Variants in GPC5 observed in about 807,000 individuals in gnomAD.
GPC5 encodes glypican 5.
A neutral mutation model predicts 53.9 loss-of-function variants in GPC5; 47 were observed. That is an observed-to-expected ratio of 0.87 (90% confidence interval 0.69 to 1.11). The LOEUF (loss-of-function observed/expected upper bound fraction) is 1.11, where lower values mean the gene tolerates loss of function less well. Among genes scored for constraint, GPC5 ranks in the 50% most tolerant of loss-of-function variants. GPC5 has a pLI of 0.00. For missense variants in GPC5, 748 were observed against 713.1 expected (o/e 1.05, Z -0.56); for synonymous variants, 286 against 263.3 (o/e 1.09, Z -0.84).
intron 7 of GPC5, among the ~76,000 whole-genome samples, chr13:92,542,119 T>C (rs1393563112): frequency 6.6e-6 from 1 of 152,028 alleles, no homozygotes; most frequent in Non-Finnish European, 1.5e-5. Context: ...TTATACCATG[T>C]GTAATGATCA....
chr13:91,478,823 ACACACACACACATATATATACACAT>A lies in GPC5; in HGVS notation c.325+29902_325+29926del, dbSNP rs1214669082. The stretch of plus-strand genomic sequence containing the variant: ...TATATATATATATATATATATATAT[ACACACACACACATATATATACACAT>A]TATATATATATACACACACATATAT... On this transcript the variant is annotated intron_variant, in intron 2 of 7. Transcript: ENST00000377067. 1.8e-3 allele frequency among the ~76,000 whole-genome samples: 156 copies of A among 88,110 alleles called. 2 individuals carry two copies. The highest frequency in any genetic ancestry group is 3.1e-3 in the African/African-American group (56 of 18,204). The allele number at this position is 88,110 out of a possible 152,430, so 57.8% of individuals were successfully genotyped here.
At chr13:92,248,120 T>C (rs1248938112) in intron 7 of GPC5, among the ~76,000 whole-genome samples, 7 of 151,900 alleles carry the variant, frequency 4.6e-5, no homozygotes, top group Non-Finnish European at 8.8e-5. Context: ...GGGTGTGATA[T>C]GGACATGAGG....
intron 6 of GPC5, among the ~76,000 whole-genome samples, chr13:91,929,375 T>A (rs2139029177): frequency 6.6e-6 from 1 of 152,204 alleles, no homozygotes; most frequent in South Asian, 2.1e-4. Flanking sequence ...TTAGGGAATC[T>A]ATCAACCATA....
chr13:92,527,477 G>C (rs1003650512), intron 7 of GPC5, among the ~76,000 whole-genome samples: 1 of 152,058 alleles, frequency 6.6e-6, no homozygotes, highest in African/African-American at 2.4e-5. Context: ...AGGGGGTAAG[G>C]TGTGGCTGTT....
rs1491207930 is a variant in GPC5, at chr13:92,579,300, TCC to T, written c.1562-286980_1562-286979del. Among the ~76,000 whole-genome samples, 107 of 45,388 alleles carry T rather than the reference TCC, an allele frequency of 2.4e-3. 4 individuals are homozygous for T. The highest frequency in any genetic ancestry group is 9.6e-3 in the African/African-American group (78 of 8,124). The allele number at this position is 45,388 out of a possible 152,430, so 29.8% of individuals were successfully genotyped here. Reference sequence around the variant, plus strand: ...CTCTCTCTCTCTCTCTCTCTCTCTCTCCCTCCCTCCCTCCCTCCCTCCCTCTC... The same window carrying T: ...CTCTCTCTCTCTCTCTCTCTCTCTCTCTCCCTCCCTCCCTCCCTCCCTCTC... On this transcript the variant is annotated intron_variant, in intron 7 of 7. Transcript: ENST00000377067.
chr13:91,756,780 A>G lies in GPC5; in HGVS notation c.1280+360A>G, dbSNP rs569015712. 5.5e-3 allele frequency among the ~76,000 whole-genome samples: 843 copies of G among 152,188 alleles called. 9 individuals are homozygous for G. Among genetic ancestry groups the G allele is most frequent in the African/African-American group, 0.019 (797 of 41,524 alleles). The stretch of plus-strand genomic sequence containing the variant: ...TTCATGAGTATTAGAAAGTGAGGAA[A>G]TTCAGTGAAATGTGAATACCTATTC... On this transcript the variant is annotated intron_variant, in intron 5 of 7. Coordinates refer to ENST00000377067, the MANE Select transcript of GPC5 (RefSeq NM_004466.6).
chr13:92,553,446 T>C (rs1882389595), intron 7 of GPC5, among the ~76,000 whole-genome samples: 1 of 152,000 alleles, frequency 6.6e-6, no homozygotes, highest in Admixed American at 6.6e-5. Flanking sequence ...GTTGGATACC[T>C]GGAAGTAGCC....
In GPC5 at chr13:91,570,183, T is replaced by C. The variant is rs551735862; in HGVS notation, c.325+121261T>C. Among the ~76,000 whole-genome samples the C allele has an allele frequency of 1.5e-4, 23 of 152,282 alleles. No homozygotes were observed. The East Asian group carries it at 3.8e-3, about 25-fold the overall frequency. ...TTGTGTCTATGTCCATCCCGACAAA[T>C]AGACATCAGAAAGTTAATGTTTTTT... On this transcript the variant is annotated intron_variant, in intron 2 of 7. Transcript: ENST00000377067.
intron 7 of GPC5, among the ~76,000 whole-genome samples, chr13:92,746,312 T>G (rs1378186518): frequency 1.3e-5 from 2 of 152,156 alleles, no homozygotes; most frequent in Non-Finnish European, 2.9e-5. Flanking sequence ...AACTTCAAAA[T>G]ATATCTTGTT....
chr13:91,586,529 T>G (rs1315427998), intron 2 of GPC5, among the ~76,000 whole-genome samples: 3 of 37,406 alleles, frequency 8.0e-5, no homozygotes, highest in Admixed American at 5.4e-4. Context: ...TATATATATA[T>G]ATATATATAT....
chr13:92,321,628 CAT>C (rs1566537914), intron 7 of GPC5, among the ~76,000 whole-genome samples: 1 of 151,928 alleles, frequency 6.6e-6, no homozygotes, highest in African/African-American at 2.4e-5. Context: ...TACATACATA[CAT>C]ACATACATAC....
At chr13:92,824,248 A>G (rs981120603) in intron 7 of GPC5, among the ~76,000 whole-genome samples, 1 of 152,062 alleles carries the variant, frequency 6.6e-6, no homozygotes, top group African/African-American at 2.4e-5. Flanking sequence ...CCTGTATACA[A>G]AACCGCCTCT....
At chr13:92,538,299 C>A (rs909216579) in intron 7 of GPC5, among the ~76,000 whole-genome samples, 3 of 151,324 alleles carry the variant, frequency 2.0e-5, no homozygotes, top group Non-Finnish European at 4.4e-5. Flanking sequence ...TTCTTCCCTT[C>A]TCTTTCCTTC....
intron 7 of GPC5, among the ~76,000 whole-genome samples, chr13:92,787,893 A>T (rs940581366): frequency 1.3e-5 from 2 of 150,746 alleles, no homozygotes; most frequent in Non-Finnish European, 3.0e-5. Context: ...AAAAAAAAAA[A>T]TACTACCGCC....
chr13:91,766,330 C>T (rs1043786738), intron 5 of GPC5, among the ~76,000 whole-genome samples: 2 of 152,120 alleles, frequency 1.3e-5, no homozygotes, highest in Non-Finnish European at 2.9e-5. Flanking sequence ...TATGTTTTCT[C>T]CTTCTCACTA....
chr13:91,760,987 G>C (rs117406639), intron 5 of GPC5, among the ~76,000 whole-genome samples: 1 of 152,138 alleles, frequency 6.6e-6, no homozygotes, highest in Non-Finnish European at 1.5e-5. Context: ...CATGTAGTCT[G>C]TATCTCTTAC....
At chr13:92,667,181 C>CATGTG (rs1439153004) in intron 7 of GPC5, among the ~76,000 whole-genome samples, 1 of 152,028 alleles carries the variant, frequency 6.6e-6, no homozygotes, top group Non-Finnish European at 1.5e-5. Context: ...CAGAGGCATG[C>CATGTG]ATGTGCACGC....
intron 7 of GPC5, among the ~76,000 whole-genome samples, chr13:92,392,903 A>G (rs931403531): frequency 2.4e-4 from 37 of 152,174 alleles, no homozygotes; most frequent in African/African-American, 8.9e-4. Flanking sequence ...AAAATAACAG[A>G]ATATTTTGAG....
intron 7 of GPC5, among the ~76,000 whole-genome samples, chr13:92,206,799 T>A (rs546448672): frequency 6.6e-6 from 1 of 152,174 alleles, no homozygotes; most frequent in Non-Finnish European, 1.5e-5. Flanking sequence ...TCTCATTCTG[T>A]CATTAACAAT....
Sources: allele counts gnomAD v4.1 joint callset (sites outside exome capture counted in the v4.1 genomes callset), GRCh38; gene constraint gnomAD v4.1.1; transcripts MANE v1.5; gene names NCBI Gene and HGNC (gene_info 2026-07-23, HGNC 2026-07-21).